TRAPPC3L: variants seen among roughly 807,000 people sequenced by gnomAD.
TRAPPC3L encodes the protein trafficking protein particle complex subunit 3-like protein.
In TRAPPC3L, 23 loss-of-function variants were observed where a neutral mutation model predicts 23.7. The ratio of observed to expected loss-of-function variants is 0.97; its 90% CI spans 0.70 to 1.37. The LOEUF is 1.37. Among genes scored for constraint, TRAPPC3L ranks in the 40% most tolerant of loss-of-function variants. TRAPPC3L has a pLI of 0.00. For missense variants in TRAPPC3L, 212 were observed against 216.8 expected, an observed-to-expected ratio of 0.98 and a Z score of 0.14; for synonymous variants, 81 against 77.9, an observed-to-expected ratio of 1.04 and a Z score of -0.21.
At chr6:116,513,670 G>A (rs1360835402) in intron 3 of TRAPPC3L, among the ~76,000 whole-genome samples, 1 of 152,184 alleles carries the variant, frequency 6.6e-6, no homozygotes, top group Non-Finnish European at 1.5e-5. Context: ...TCAATAGCAG[G>A]TGCTGACTAC....
At chr6:116,516,660 AATATATATATATATATATAT>A (rs57050552) in intron 3 of TRAPPC3L, 1,219 of 104,380 alleles carry the variant, frequency 0.012, 46 homozygotes, top group African/African-American at 0.042. Flanking sequence ...AGTAGTAACA[AATATATATATATATATATAT>A]ATATATATAT....
rs1231541683 is a variant in TRAPPC3L, at chr6:116,543,367, G to A, written c.76C>T (p.Leu26=). 2 of 1,549,942 alleles carry A rather than the reference G, an allele frequency of 1.3e-6. No individual in the cohort carries two copies. Among genetic ancestry groups the A allele is most frequent in the Admixed American group, 3.9e-5 (2 of 50,930 alleles). ...TAATCCTTACACAGCTGGGCAACCAGAGCTCCATAGGTAAGGACAAAGAGA... is the reference window on the plus strand; with the variant it reads ...TAATCCTTACACAGCTGGGCAACCAAAGCTCCATAGGTAAGGACAAAGAGA... ...KDLFVLTYGA[L]VAQLCKDYEK... The change falls in exon 2 of 5, where the codon CTG becomes TTG. Residue 26 remains leucine (L), a synonymous_variant. Transcript: ENST00000368602.
intron 3 of TRAPPC3L, chr6:116,522,882 T>A (rs908862317): frequency 1.3e-5 from 2 of 152,152 alleles, no homozygotes; most frequent in East Asian, 1.9e-4. Flanking sequence ...CAGTTTAACG[T>A]GATCCTAGCT....
intron 3 of TRAPPC3L, among the ~76,000 whole-genome samples, chr6:116,504,169 T>C (rs1020474601): frequency 3.3e-5 from 5 of 151,976 alleles, no homozygotes; most frequent in African/African-American, 1.2e-4. Flanking sequence ...AATCATCAAG[T>C]AGACACAATA....
intron 3 of TRAPPC3L, among the ~76,000 whole-genome samples, chr6:116,527,951 A>G (rs1422283438): frequency 6.6e-6 from 1 of 152,230 alleles, no homozygotes; most frequent in Non-Finnish European, 1.5e-5. Context: ...ATCCCAGAAC[A>G]TAAAGTAAAA....
chr6:116,543,207 G>A (rs1391230013), intron 2 of TRAPPC3L, 96 bp downstream of exon 2: 1 of 844,016 alleles, frequency 1.2e-6, no homozygotes, highest in Non-Finnish European at 1.8e-6. Flanking sequence ...AAGAACAGCT[G>A]GTGAAATGAA....
At chr6:116,543,436 G>C in intron 1 of TRAPPC3L, 36 bp from the exon 2 acceptor site, 1 of 1,471,366 alleles carries the variant, frequency 6.8e-7, no homozygotes. Flanking sequence ...TTATAGGCAA[G>C]TTATGACAGT....
chr6:116,502,257 G>A (rs1008912936), intron 3 of TRAPPC3L, among the ~76,000 whole-genome samples: 1 of 152,126 alleles, frequency 6.6e-6, no homozygotes, highest in Non-Finnish European at 1.5e-5. Context: ...ATTCGATCAA[G>A]TGGAAAAAAG....
chr6:116,501,424 C>G (rs1771913536), intron 3 of TRAPPC3L, among the ~76,000 whole-genome samples: 1 of 152,174 alleles, frequency 6.6e-6, no homozygotes, highest in African/African-American at 2.4e-5. Flanking sequence ...TAGATTCCAC[C>G]TCTGGGGGCA....
intron 4 of TRAPPC3L, among the ~76,000 whole-genome samples, chr6:116,497,867 C>T (rs1771856283): frequency 6.6e-6 from 1 of 152,180 alleles, no homozygotes; most frequent in South Asian, 2.1e-4. Context: ...ATGTAGCAGG[C>T]AATTAATTGA....
intron 2 of TRAPPC3L, 62 bp downstream of exon 2, chr6:116,543,241 A>G (rs1773571790): frequency 9.4e-6 from 12 of 1,277,068 alleles, no homozygotes; most frequent in Non-Finnish European, 1.3e-5. Flanking sequence ...TTAGAGGCAG[A>G]AAGAATGCAG....
At chr6:116,529,760 C>T (rs145096603) in intron 3 of TRAPPC3L, among the ~76,000 whole-genome samples, 24 of 152,234 alleles carry the variant, frequency 1.6e-4, no homozygotes, top group African/African-American at 5.5e-4. Context: ...TCCACAATAT[C>T]AGTGAGAGAT....
intron 3 of TRAPPC3L, among the ~76,000 whole-genome samples, chr6:116,508,795 A>G (rs1290549722): frequency 6.6e-6 from 1 of 152,182 alleles, no homozygotes; most frequent in Non-Finnish European, 1.5e-5. Context: ...TACTTTCACC[A>G]CTTCTATTCA....
chr6:116,506,194 A>C (rs1282981963), intron 3 of TRAPPC3L, among the ~76,000 whole-genome samples: 1 of 152,220 alleles, frequency 6.6e-6, no homozygotes, highest in African/African-American at 2.4e-5. Flanking sequence ...CCCCATCAAA[A>C]AGTGGGCAAA....
In TRAPPC3L at chr6:116,512,208, T is replaced by C. The variant is rs371671589; in HGVS notation, c.241-11542A>G. The stretch of plus-strand genomic sequence containing the variant: ...ATGCTACCTACCGTCAATGAAGAAC[T>C]GAAACTCTCCCTTCAGGCCCAGTCT... On this transcript the variant is annotated intron_variant, in intron 3 of 4. Transcript: ENST00000368602. The C allele has an allele frequency of 5.6e-6, 9 of 1,604,166 alleles. No individual in the cohort carries two copies. Among genetic ancestry groups the C allele is most frequent in the Non-Finnish European group, 5.9e-6 (7 of 1,178,970 alleles).
At chr6:116,528,223 G>A (rs548606738) in intron 3 of TRAPPC3L, among the ~76,000 whole-genome samples, 3 of 152,318 alleles carry the variant, frequency 2.0e-5, no homozygotes, top group Admixed American at 2.0e-4. Flanking sequence ...TAATTCCTCT[G>A]CAGGTGCTTT....
chr6:116,540,269 G>C, intron 3 of TRAPPC3L, 94 bp downstream of exon 3: 3 of 1,187,402 alleles, frequency 2.5e-6, no homozygotes, highest in Non-Finnish European at 3.6e-6. Context: ...AATGAATGCA[G>C]ATGGAACCTG....
At chr6:116,507,159 A>C (rs1772020972) in intron 3 of TRAPPC3L, among the ~76,000 whole-genome samples, 1 of 152,160 alleles carries the variant, frequency 6.6e-6, no homozygotes, top group Non-Finnish European at 1.5e-5. Flanking sequence ...CCTTTAGGGG[A>C]GTAAGAAATT....
intron 3 of TRAPPC3L, among the ~76,000 whole-genome samples, chr6:116,507,394 G>A (rs1158686174): frequency 6.6e-6 from 1 of 152,038 alleles, no homozygotes; most frequent in Non-Finnish European, 1.5e-5. Flanking sequence ...AGTTACCTGT[G>A]GTCAAGATAA....
Sources: allele counts gnomAD v4.1 joint callset (sites outside exome capture counted in the v4.1 genomes callset), GRCh38; gene constraint gnomAD v4.1.1; transcripts MANE v1.5; gene names NCBI Gene and HGNC (gene_info 2026-07-23, HGNC 2026-07-21).